FAM169A: variants seen among roughly 807,000 people sequenced by gnomAD.
FAM169A encodes the protein family with sequence similarity 169 member A, also known as soluble lamin-associated protein of 75 kDa.
In FAM169A, 24 loss-of-function variants were observed where a neutral mutation model predicts 75.7. That is an observed-to-expected ratio of 0.32 (90% CI 0.23 to 0.45). The LOEUF (loss-of-function observed/expected upper bound fraction) is 0.45, where lower values mean the gene tolerates loss of function less well. Ranked by LOEUF, FAM169A falls within the 20% of genes least tolerant of loss-of-function variation. The pLI, the probability that FAM169A is intolerant of heterozygous loss-of-function variation, is 1.00. For synonymous variants in FAM169A, 271 were observed against 271.0 expected (o/e 1.00, Z 0.00); for missense variants, 673 against 784.0 (o/e 0.86, Z 1.69).
At chr5:74,809,235 T>C (rs1417941280) in intron 6 of FAM169A, among the ~76,000 whole-genome samples, 1 of 151,922 alleles carries the variant, frequency 6.6e-6, no homozygotes, top group Non-Finnish European at 1.5e-5. Context: ...CTAAAGAAAA[T>C]GAAAAGGCCA....
chr5:74,851,166 G>A (rs1262630292), intron 1 of FAM169A, among the ~76,000 whole-genome samples: 1 of 152,216 alleles, frequency 6.6e-6, no homozygotes, highest in Admixed American at 6.5e-5. Context: ...CTGGTAAGGT[G>A]AAGGAAGAAG....
chr5:74,852,167 T>C (rs1749476044), intron 1 of FAM169A, among the ~76,000 whole-genome samples: 2 of 152,180 alleles, frequency 1.3e-5, no homozygotes, highest in Non-Finnish European at 2.9e-5. Context: ...CCAAACTCCC[T>C]AGTATTTTCA....
chr5:74,843,927 C>T (rs1749014317), intron 1 of FAM169A, among the ~76,000 whole-genome samples: 1 of 152,170 alleles, frequency 6.6e-6, no homozygotes, highest in African/African-American at 2.4e-5. Context: ...CTACTGCATC[C>T]TGATGTGATT....
chr5:74,786,525 G>A (rs559662699), intron 11 of FAM169A, among the ~76,000 whole-genome samples: 5 of 152,274 alleles, frequency 3.3e-5, no homozygotes, highest in South Asian at 2.1e-4. Flanking sequence ...CTGATACACC[G>A]CTCGTGAGAG....
At chr5:74,851,608 T>C (rs1404495551) in intron 1 of FAM169A, among the ~76,000 whole-genome samples, 1 of 152,122 alleles carries the variant, frequency 6.6e-6, no homozygotes, top group African/African-American at 2.4e-5. Flanking sequence ...GAAATAGAAA[T>C]GGGCTTGTAA....
chr5:74,807,089 AT>A (rs1396741673), intron 6 of FAM169A, among the ~76,000 whole-genome samples: 1 of 152,242 alleles, frequency 6.6e-6, no homozygotes, highest in East Asian at 1.9e-4. Context: ...ATAAACCCTA[AT>A]TCCTTATACA....
chr5:74,837,786 G>T (rs1305095022), intron 4 of FAM169A, among the ~76,000 whole-genome samples: 1 of 152,088 alleles, frequency 6.6e-6, no homozygotes. Context: ...GTGTTCTAAA[G>T]GAAGAATATC....
At chr5:74,782,363 AC>A (rs1223279048) in intron 12 of FAM169A, among the ~76,000 whole-genome samples, 1 of 152,206 alleles carries the variant, frequency 6.6e-6, no homozygotes, top group East Asian at 1.9e-4. Flanking sequence ...AACCAAAAAT[AC>A]CTTGGGACTT....
At chr5:74,845,416 G>A (rs1749103212) in intron 1 of FAM169A, among the ~76,000 whole-genome samples, 2 of 152,234 alleles carry the variant, frequency 1.3e-5, no homozygotes, top group South Asian at 4.2e-4. Flanking sequence ...TACTCAAGAG[G>A]CTGAGGCAGG....
intron 11 of FAM169A, among the ~76,000 whole-genome samples, chr5:74,795,644 G>T (rs1158027072): frequency 6.6e-6 from 1 of 152,078 alleles, no homozygotes; most frequent in South Asian, 2.1e-4. Context: ...TAAAATGGGG[G>T]TGCCCCTGAA....
At chr5:74,818,477 G>A (rs1747583550) in intron 5 of FAM169A, among the ~76,000 whole-genome samples, 1 of 152,002 alleles carries the variant, frequency 6.6e-6, no homozygotes, top group Admixed American at 6.6e-5. Context: ...TATACTAAAA[G>A]TTACTGAATT....
At chr5:74,806,781 A>C (rs187604290) in intron 6 of FAM169A, among the ~76,000 whole-genome samples, 1 of 152,350 alleles carries the variant, frequency 6.6e-6, no homozygotes, top group African/African-American at 2.4e-5. Context: ...TAGTACTCAG[A>C]ATATATAAAG....
chr5:74,799,904 C>T, intron 10 of FAM169A: 1 of 928,204 alleles, frequency 1.1e-6, no homozygotes, highest in Non-Finnish European at 1.8e-6. Flanking sequence ...AATGCTTCTG[C>T]AACACGGACA....
At chr5:74,866,504 C>T, upstream of FAM169A, 1 of 648,152 alleles carries the variant, frequency 1.5e-6, no homozygotes, top group Non-Finnish European at 1.9e-6. Context: ...CCCTGCCTCC[C>T]TCCAGCCCCG....
intron 10 of FAM169A, chr5:74,798,925 A>G (rs1746416234): frequency 1.4e-6 from 1 of 738,470 alleles, no homozygotes; most frequent in Admixed American, 2.0e-5. Context: ...GAGTCCGTAA[A>G]TCCTCTGCTC....
Position 74,782,955 on chromosome 5 carries a change from G to A in FAM169A, c.1440C>T (p.Pro480=). 1.2e-6 allele frequency: 2 copies of A among 1,613,440 alleles called. No homozygotes were observed. The highest frequency in any genetic ancestry group is 8.5e-7 in the Non-Finnish European group (1 of 1,179,480). The change falls in exon 12 of 13, where the codon CCC becomes CCT. Residue 480 remains proline (P), a synonymous_variant. Coordinates refer to ENST00000687041, the MANE Select transcript of FAM169A (RefSeq NM_001376049.1). Reference sequence around the variant, plus strand: ...CCTTATCTGGTGCATCTACCTCAGGGGGTTTTGAAGATTCTACCACCAGTG... The same window carrying A: ...CCTTATCTGGTGCATCTACCTCAGGAGGTTTTGAAGATTCTACCACCAGTG... ...LVPLVVESSK[P]PEVDAPDKTP... is the part of the protein sequence containing the mutation.
chr5:74,820,462 T>A (rs1747716094), intron 5 of FAM169A, among the ~76,000 whole-genome samples: 1 of 152,222 alleles, frequency 6.6e-6, no homozygotes, highest in South Asian at 2.1e-4. Context: ...ACCAATTTTT[T>A]AGTAAACCTC....
intron 5 of FAM169A, among the ~76,000 whole-genome samples, chr5:74,818,329 T>G (rs1006683058): frequency 3.3e-5 from 5 of 152,100 alleles, no homozygotes; most frequent in Non-Finnish European, 5.9e-5. Flanking sequence ...CAACCCAGCC[T>G]GAAACTAGAT....
Position 74,865,808 on chromosome 5 carries a change from G to C in FAM169A, c.-4+357C>G, listed in dbSNP as rs1489448454. Reference sequence around the variant, plus strand: ...AGCTCGCACGCCAAGCATCCAGGTGGGGAGAGGGCGAGGGGAGGGGGCGGC... The same window carrying C: ...AGCTCGCACGCCAAGCATCCAGGTGCGGAGAGGGCGAGGGGAGGGGGCGGC... On this transcript the variant is annotated intron_variant, in intron 1 of 12. Coordinates refer to ENST00000687041, the MANE Select transcript of FAM169A (RefSeq NM_001376049.1). 4 of 152,624 alleles carry C rather than the reference G, an allele frequency of 2.6e-5. No homozygotes were observed. The East Asian group carries it at 7.7e-4, about 29-fold the overall frequency. The allele number at this position is 152,624 out of a possible 1,614,324, so 9.5% of individuals were successfully genotyped here.
Sources: gnomAD v4.1 joint callset for allele counts (sites outside exome capture counted in the v4.1 genomes callset) on GRCh38, gnomAD v4.1.1 for gene constraint, MANE v1.5 for transcripts, NCBI Gene and HGNC (gene_info 2026-07-23, HGNC 2026-07-21) for gene names.